The following TMEM178A variants were observed in gnomAD, a reference collection of about 807,000 sequenced individuals.
TMEM178A encodes transmembrane protein 178A, also known as transmembrane protein 178.
TMEM178A carries 12 observed loss-of-function variants against 29.1 expected under a neutral mutation model. The observed-to-expected ratio is 0.41, with a 90% CI of 0.26 to 0.67. The LOEUF (loss-of-function observed/expected upper bound fraction) is 0.67, where lower values mean the gene tolerates loss of function less well. Among genes scored for constraint, TMEM178A ranks in the 30% least tolerant of loss-of-function variants. The probability of loss-of-function intolerance (pLI) is 0.29; values close to 1 mark genes in which losing one functional copy is unlikely to be tolerated. For synonymous variants in TMEM178A, 210 were observed against 187.2 expected (o/e 1.12, Z -0.99); for missense variants, 366 against 419.1 (o/e 0.87, Z 1.11).
At position 39,717,630 on chromosome 2, in the gene TMEM178A, AT is replaced by A. The variant is rs1271838589; in HGVS notation, c.*383del. ...AAGGATTCGTAACAAAGCGAGTATA[AT>A]TTTCTTGTCATTGTATCATGCTTGT... On this transcript the variant is annotated 3_prime_UTR_variant, in exon 4 of 4. Coordinates refer to ENST00000281961, the MANE Select transcript of TMEM178A (RefSeq NM_152390.3). 1 of 169,748 alleles carries A rather than the reference AT, an allele frequency of 5.9e-6. No individual in the cohort carries two copies. The highest frequency in any genetic ancestry group is 1.3e-5 in the Non-Finnish European group (1 of 78,030). The allele number at this position is 169,748 out of a possible 1,614,324, so 10.5% of individuals were successfully genotyped here.
chr2:39,733,003 G>A, the TMEM178A span, among the ~76,000 whole-genome samples: 12 of 152,178 alleles, frequency 7.9e-5, no homozygotes, highest in African/African-American at 2.7e-4. Context: ...TAAGGAGTGT[G>A]ACATCAGCCC....
intron 1 of TMEM178A, among the ~76,000 whole-genome samples, chr2:39,666,591 C>T (rs1030211027): frequency 5.3e-5 from 8 of 152,292 alleles, no homozygotes; most frequent in African/African-American, 1.9e-4. Flanking sequence ...CTTTCGTCCA[C>T]ATCCTGCGCG....
At chr2:39,730,812 AATTAGGAGTGATAT>A in the TMEM178A span, among the ~76,000 whole-genome samples, 1 of 152,258 alleles carries the variant, frequency 6.6e-6, no homozygotes, top group Admixed American at 6.5e-5. Flanking sequence ...TTAATAGCGT[AATTAGGAGTGATAT>A]AGTAACAGGT....
intron 1 of TMEM178A, among the ~76,000 whole-genome samples, chr2:39,693,511 T>A (rs961932959): frequency 1.3e-5 from 2 of 152,220 alleles, no homozygotes; most frequent in Admixed American, 6.5e-5. Context: ...ATGTCAGGTC[T>A]TGCCTGTGTC....
intron 1 of TMEM178A, among the ~76,000 whole-genome samples, chr2:39,698,968 T>C (rs1453582260): frequency 6.6e-6 from 1 of 152,180 alleles, no homozygotes; most frequent in Non-Finnish European, 1.5e-5. Flanking sequence ...CACTGTGTTC[T>C]CTTAAGCTTC....
At chr2:39,703,672 A>G (rs975209114) in intron 1 of TMEM178A, among the ~76,000 whole-genome samples, 4 of 152,204 alleles carry the variant, frequency 2.6e-5, no homozygotes, top group Non-Finnish European at 5.9e-5. Context: ...TCTGGTTTCC[A>G]AATAACACAC....
the TMEM178A span, among the ~76,000 whole-genome samples, chr2:39,723,565 G>T: frequency 2.8e-4 from 43 of 152,282 alleles, no homozygotes; most frequent in African/African-American, 1.0e-3. Flanking sequence ...ATTCTCAAAA[G>T]CTTCTCCAGT....
chr2:39,703,126 A>G (rs1418010922), intron 1 of TMEM178A, among the ~76,000 whole-genome samples: 3 of 152,168 alleles, frequency 2.0e-5, no homozygotes, highest in Non-Finnish European at 2.9e-5. Flanking sequence ...ATCTATGAAG[A>G]TTTTTTTAAA....
At chr2:39,725,962 A>G in the TMEM178A span, among the ~76,000 whole-genome samples, 1 of 152,170 alleles carries the variant, frequency 6.6e-6, no homozygotes, top group South Asian at 2.1e-4. Flanking sequence ...GATTTGTCAC[A>G]TCTCTATAGA....
the TMEM178A span, among the ~76,000 whole-genome samples, chr2:39,733,299 T>C: frequency 6.6e-6 from 1 of 152,242 alleles, no homozygotes; most frequent in East Asian, 1.9e-4. Flanking sequence ...GACGTCACTC[T>C]CATGTGGAAA....
At chr2:39,687,670 T>C (rs1418572274) in intron 1 of TMEM178A, among the ~76,000 whole-genome samples, 1 of 152,192 alleles carries the variant, frequency 6.6e-6, no homozygotes, top group African/African-American at 2.4e-5. Flanking sequence ...TTTCCTTGAG[T>C]CTGTTTCTGC....
intron 1 of TMEM178A, among the ~76,000 whole-genome samples, chr2:39,693,109 G>A (rs1671392596): frequency 6.6e-6 from 1 of 151,996 alleles, no homozygotes; most frequent in Admixed American, 6.6e-5. Flanking sequence ...GCGAGACTCT[G>A]TTTCAAAAAA....
intron 1 of TMEM178A, among the ~76,000 whole-genome samples, chr2:39,679,314 G>A (rs1670768882): frequency 6.6e-6 from 1 of 152,042 alleles, no homozygotes; most frequent in Non-Finnish European, 1.5e-5. Flanking sequence ...TCAATTCAAG[G>A]ACAGGAGAAG....
At position 39,685,298 on chromosome 2, in the gene TMEM178A, A is replaced by G. The variant is rs142515911; in HGVS notation, c.401-18783A>G. Reference sequence around the variant, plus strand: ...GCTCTCTCACCACAAAACCCTGTGCATGCTCTTCCTTCTGCCCTAAAGGAT... The same window carrying G: ...GCTCTCTCACCACAAAACCCTGTGCGTGCTCTTCCTTCTGCCCTAAAGGAT... On this transcript the variant is annotated intron_variant, in intron 1 of 3. Transcript: ENST00000281961. 2.9e-3 allele frequency among the ~76,000 whole-genome samples: 447 copies of G among 152,232 alleles called. 1 individual carries two copies. The highest frequency in any genetic ancestry group is 0.01 in the African/African-American group (417 of 41,538).
downstream of TMEM178A, among the ~76,000 whole-genome samples, chr2:39,721,985 CAAAAAAAAA>C (rs57605942): frequency 2.5e-5 from 1 of 40,092 alleles, no homozygotes; most frequent in Admixed American, 5.0e-4. Context: ...AGACCAGTCT[CAAAAAAAAA>C]AAAAAAAAAA....
chr2:39,709,371 C>G (rs1198144926), intron 3 of TMEM178A, among the ~76,000 whole-genome samples: 1 of 152,208 alleles, frequency 6.6e-6, no homozygotes, highest in Non-Finnish European at 1.5e-5. Context: ...ATGGATGCTG[C>G]CTAGTTCTCA....
chr2:39,693,925 C>G (rs944453350), intron 1 of TMEM178A, among the ~76,000 whole-genome samples: 25 of 151,330 alleles, frequency 1.7e-4, no homozygotes, highest in African/African-American at 5.8e-4. Context: ...CAAGATCATG[C>G]CTTTTTGAAC....
intron 1 of TMEM178A, among the ~76,000 whole-genome samples, chr2:39,670,357 G>C (rs1050872262): frequency 6.6e-6 from 1 of 152,230 alleles, no homozygotes; most frequent in Non-Finnish European, 1.5e-5. Flanking sequence ...ATTGTACCAG[G>C]TGTAGAAGAT....
At chr2:39,665,916 T>G (rs1468281186), upstream of TMEM178A, 9 of 1,313,734 alleles carry the variant, frequency 6.9e-6, no homozygotes, top group African/African-American at 1.4e-4. Flanking sequence ...TGGGGCCAAG[T>G]GCATTGTGTC....
Sources: gnomAD v4.1 joint callset for allele counts (sites outside exome capture counted in the v4.1 genomes callset) on GRCh38, gnomAD v4.1.1 for gene constraint, MANE v1.5 for transcripts, NCBI Gene and HGNC (gene_info 2026-07-23, HGNC 2026-07-21) for gene names.